TSPOAP1: variants seen among roughly 807,000 people sequenced by gnomAD.
TSPOAP1 encodes TSPO associated protein 1, also known as peripheral-type benzodiazepine receptor-associated protein 1.
Under a neutral mutation model 197.0 loss-of-function variants are expected in TSPOAP1, and 87 were observed. That is an observed-to-expected ratio of 0.44 (90% CI 0.37 to 0.53). The LOEUF is 0.53. Among genes scored for constraint, TSPOAP1 ranks in the 20% least tolerant of loss-of-function variants. The pLI, the probability that TSPOAP1 is intolerant of heterozygous loss-of-function variation, is 0.00. For missense variants in TSPOAP1, 2,174 were observed against 2,411.3 expected, an observed-to-expected ratio of 0.90 and a Z score of 2.06; for synonymous variants, 913 against 998.9, an observed-to-expected ratio of 0.91 and a Z score of 1.62.
At chr17:58,317,243 A>T (rs887028888) in intron 14 of TSPOAP1, among the ~76,000 whole-genome samples, 3 of 152,198 alleles carry the variant, frequency 2.0e-5, no homozygotes, top group Non-Finnish European at 4.4e-5. Flanking sequence ...GAAACCCCTC[A>T]GCAAAGCACC....
chr17:58,308,784 TTCC>T lies in TSPOAP1; in HGVS notation c.4485_4487del (p.Glu1496del). On this transcript the variant is annotated inframe_deletion, in exon 22 of 32. Coordinates refer to ENST00000343736, the MANE Select transcript of TSPOAP1 (RefSeq NM_004758.4). ...CCTCCGAATCATATTCAATGCTGATTTCCAAGCACTTGGGGGAAAGGCAGCTGG... is the reference window on the plus strand; with the variant it reads ...CCTCCGAATCATATTCAATGCTGATTAAGCACTTGGGGGAAAGGCAGCTGG... 1 of 1,613,004 alleles carries T rather than the reference TTCC, an allele frequency of 6.2e-7. No individual in the cohort carries two copies. The highest frequency in any genetic ancestry group is 8.5e-7 in the Non-Finnish European group (1 of 1,179,986).
rs1971104063 is a variant in TSPOAP1 at position 58,312,459 on chromosome 17, G to T, written c.2362C>A (p.Pro788Thr). ...LSPSPEGLGE[P>T]PAVPYPRRLV... ...CGGCGGGGGTAAGGCACGGCAGGAG[G>T]CTCGCCCAGGCCCTCCGGTGATGGG... Residue 788 changes from proline to threonine, a missense_variant, in exon 17 of 32, where the codon CCT becomes ACT. Transcript: ENST00000343736. 1.9e-6 allele frequency: 3 copies of T among 1,611,782 alleles called. No individual in the cohort carries two copies. Among genetic ancestry groups the T allele is most frequent in the Non-Finnish European group, 2.5e-6 (3 of 1,179,306 alleles).
At position 58,311,734 on chromosome 17, in the gene TSPOAP1, G is replaced by A. The variant is rs1332960387; in HGVS notation, c.2930-12C>T. ...GGCATCAGGTGGGCCTGGGGGCAGGGGGGCACAAGACCCAGTGATGCAGGA... is the reference window on the plus strand; with the variant it reads ...GGCATCAGGTGGGCCTGGGGGCAGGAGGGCACAAGACCCAGTGATGCAGGA... On this transcript the variant is annotated splice_polypyrimidine_tract_variant and intron_variant, in intron 17 of 31. Transcript: ENST00000343736. The A allele has an allele frequency of 3.2e-6, 5 of 1,553,864 alleles. No individual in the cohort carries two copies. The highest frequency in any genetic ancestry group is 4.4e-6 in the Non-Finnish European group (5 of 1,147,282).
chr17:58,320,037 C>T (rs1376926500), intron 12 of TSPOAP1, 72 bp downstream of exon 12: 1 of 1,589,104 alleles, frequency 6.3e-7, no homozygotes, highest in East Asian at 2.2e-5. Flanking sequence ...GGGGGACTGC[C>T]TGGGCCCTGA....
rs1423764317 is a variant in TSPOAP1, at chr17:58,322,254, G to A, written c.1422+54C>T. ...CACAGTAAATGCTTGTGGAATGAGT[G>A]AGTGGCAAAGCTGGTGTCCAGCAGC... On this transcript the variant is annotated intron_variant, in intron 10 of 31. Transcript: ENST00000343736. This position sits in a 1 kb window ranked among gnomAD's most constrained non-coding sequence, Gnocchi z 5.0. 2.6e-6 allele frequency: 4 copies of A among 1,538,216 alleles called. No individual in the cohort carries two copies. The highest frequency in any genetic ancestry group is 4.5e-5 in the East Asian group (2 of 44,480).
In TSPOAP1 at chr17:58,311,561, A is replaced by C; in HGVS notation, c.3081+10T>G. 1 of 1,552,648 alleles carries C rather than the reference A, an allele frequency of 6.4e-7. No individual in the cohort carries two copies. Among genetic ancestry groups the C allele is most frequent in the Non-Finnish European group, 8.7e-7 (1 of 1,145,692 alleles). Reference sequence around the variant, plus strand: ...CCCCCACTCCCAGGGTACAGTGGGCAGGGCTATACCTTCTGCCCATCAGCG... The same window carrying C: ...CCCCCACTCCCAGGGTACAGTGGGCCGGGCTATACCTTCTGCCCATCAGCG... On this transcript the variant is annotated intron_variant, in intron 18 of 31. Coordinates refer to ENST00000343736, the MANE Select transcript of TSPOAP1 (RefSeq NM_004758.4).
In TSPOAP1 at chr17:58,308,668, C is replaced by T. The variant is rs754684484; in HGVS notation, c.4604G>A (p.Arg1535Lys). Residue 1535 changes from arginine to lysine, a missense_variant, in exon 22 of 32, where the codon AGG becomes AAG. This residue lies in a region of TSPOAP1 where 1,933 missense variants were observed against 2,139.0 expected (regional missense o/e 0.90). Coordinates refer to ENST00000343736, the MANE Select transcript of TSPOAP1 (RefSeq NM_004758.4). ...ATTGGCCTTCGGAGGCCCCCTGGGC[C>T]TTCCTACAGTTGCTGTGCCCCAGGC... The part of the protein sequence containing the change: ...GEAWGTATVG[R>K]PRGPPKANSG... The T allele has an allele frequency of 2.5e-6, 4 of 1,612,422 alleles. No individual in the cohort carries two copies. Among genetic ancestry groups the T allele is most frequent in the Non-Finnish European group, 3.4e-6 (4 of 1,179,506 alleles).
At chr17:58,320,001 T>A in intron 12 of TSPOAP1, 108 bp downstream of exon 12, 4 of 1,428,278 alleles carry the variant, frequency 2.8e-6, no homozygotes, top group Non-Finnish European at 3.9e-6. Flanking sequence ...CTGCTCCCAG[T>A]GACACCCCCT....
At position 58,326,392 on chromosome 17, in the gene TSPOAP1, C is replaced by A; in HGVS notation, c.471G>T (p.Glu157Asp). 6.2e-7 allele frequency: 1 copy of A among 1,613,974 alleles called. No individual in the cohort carries two copies. The highest frequency in any genetic ancestry group is 8.5e-7 in the Non-Finnish European group (1 of 1,180,018). Reference protein sequence around the residue: ...LRKSSFPETEEKVRRLKRKNA... With the variant: ...LRKSSFPETEDKVRRLKRKNA... ...TCTTCCTCTTCAGCCTCCGCACCTT[C>A]TCTTCTGTCTCAGGGAAGCTGCTCT... Residue 157 changes from glutamate (E) to aspartate (D), a missense_variant, in exon 3 of 32, where the codon GAG becomes GAT. By Grantham distance (45) the Glu-to-Asp change is conservative. This residue lies in a region of TSPOAP1 where 1,933 missense variants were observed against 2,139.0 expected (regional missense o/e 0.90). Coordinates refer to ENST00000343736, the MANE Select transcript of TSPOAP1 (RefSeq NM_004758.4). The surrounding 1 kb of genome is among the most constrained non-coding windows in gnomAD (Gnocchi z 4.7).
At chr17:58,327,223 T>A (rs900170086) in intron 1 of TSPOAP1, among the ~76,000 whole-genome samples, 1 of 151,852 alleles carries the variant, frequency 6.6e-6, no homozygotes, top group African/African-American at 2.4e-5. Context: ...ACTGATTCTC[T>A]GTGCACCTCC....
Position 58,305,496 on chromosome 17 carries a change from G to A in TSPOAP1, c.5362-38C>T, listed in dbSNP as rs766971070. 3.1e-6 allele frequency: 5 copies of A among 1,612,426 alleles called. No individual in the cohort carries two copies. The Admixed American group carries it at 6.7e-5, about 22-fold the overall frequency. Reference sequence around the variant, plus strand: ...AGAGGAGGGCATCAGGCCCAGGAAGGCTCTGCCACCGCCCTTTGCTGGGCT... The same window carrying A: ...AGAGGAGGGCATCAGGCCCAGGAAGACTCTGCCACCGCCCTTTGCTGGGCT... On this transcript the variant is annotated intron_variant, in intron 28 of 31. Coordinates refer to ENST00000343736, the MANE Select transcript of TSPOAP1 (RefSeq NM_004758.4).
Position 58,309,945 on chromosome 17 carries a change from C to T in TSPOAP1, c.3891+22G>A. Reference sequence around the variant, plus strand: ...CCGGAGTTTGAGGCCTGGGGCCCAACAGCCCATCCCTACCCCGTTACCTTG... The same window carrying T: ...CCGGAGTTTGAGGCCTGGGGCCCAATAGCCCATCCCTACCCCGTTACCTTG... On this transcript the variant is annotated intron_variant, in intron 21 of 31. Transcript: ENST00000343736. This position sits in a 1 kb window ranked among gnomAD's most constrained non-coding sequence, Gnocchi z 5.0. 4 of 1,587,786 alleles carry T rather than the reference C, an allele frequency of 2.5e-6. No homozygotes were observed. Among genetic ancestry groups the T allele is most frequent in the Non-Finnish European group, 3.4e-6 (4 of 1,165,142 alleles).
At chr17:58,313,607 C>CAAAAA (rs138024895) in intron 16 of TSPOAP1, among the ~76,000 whole-genome samples, 1 of 110,610 alleles carries the variant, frequency 9.0e-6, no homozygotes, top group Non-Finnish European at 2.0e-5. Context: ...GATGCTGTAT[C>CAAAAA]AAAAAAAAAA....
rs762176733 is a variant in TSPOAP1 at position 58,326,387 on chromosome 17, A to G, written c.476T>C (p.Val159Ala). 6.2e-6 allele frequency: 10 copies of G among 1,613,642 alleles called. No homozygotes were observed. In the Admixed American group the frequency reaches 8.3e-5, roughly 13 times the overall value. ...GGCGTTCTTCCTCTTCAGCCTCCGC[A>G]CCTTCTCTTCTGTCTCAGGGAAGCT... ...KSSFPETEEK[V>A]RRLKRKNAEL... is the part of the protein sequence containing the mutation. The change falls in exon 3 of 32, where the codon GTG becomes GCG. Residue 159 changes from valine to alanine, a missense_variant. This residue lies in a region of TSPOAP1 where 1,933 missense variants were observed against 2,139.0 expected (regional missense o/e 0.90). Transcript: ENST00000343736. The surrounding 1 kb of genome is among the most constrained non-coding windows in gnomAD (Gnocchi z 4.7).
rs770081382 is a variant in TSPOAP1, at chr17:58,325,700, A to C, written c.584T>G (p.Leu195Trp). 1 of 1,609,720 alleles carries C rather than the reference A, an allele frequency of 6.2e-7. No homozygotes were observed. The highest frequency in any genetic ancestry group is 8.5e-7 in the Non-Finnish European group (1 of 1,178,394). ...ETNLRVVSAP[L>W]PRPGTSLELC... ...CTCCAAGCTGGTCCCCGGCCGGGGCAAGGGGGCACTCACCTAGCCAGAGGA... is the reference window on the plus strand; with the variant it reads ...CTCCAAGCTGGTCCCCGGCCGGGGCCAGGGGGCACTCACCTAGCCAGAGGA... Residue 195 changes from leucine (L) to tryptophan (W), a missense_variant, in exon 4 of 32, where the codon TTG becomes TGG. By Grantham distance (61) the Leu-to-Trp change is moderately conservative. Coordinates refer to ENST00000343736, the MANE Select transcript of TSPOAP1 (RefSeq NM_004758.4).
At position 58,326,523 on chromosome 17, in the gene TSPOAP1, T is replaced by A. The variant is rs2143161111; in HGVS notation, c.442-102A>T. On this transcript the variant is annotated intron_variant, in intron 2 of 31. Coordinates refer to ENST00000343736, the MANE Select transcript of TSPOAP1 (RefSeq NM_004758.4). The surrounding 1 kb of genome is among the most constrained non-coding windows in gnomAD (Gnocchi z 4.7). ...CTAGAGCCCTAGGCTCACAGTGGGGTCCTTGGCAACTCTAGGCAGGGGTTC... is the reference window on the plus strand; with the variant it reads ...CTAGAGCCCTAGGCTCACAGTGGGGACCTTGGCAACTCTAGGCAGGGGTTC... 6.4e-7 allele frequency: 1 copy of A among 1,561,506 alleles called. No homozygotes were observed. The highest frequency in any genetic ancestry group is 8.7e-7 in the Non-Finnish European group (1 of 1,151,536).
rs148246262 is a variant in TSPOAP1, at chr17:58,301,962, G to A, written c.*518C>T. 2.1e-5 allele frequency: 5 copies of A among 239,228 alleles called. No individual in the cohort carries two copies. Among genetic ancestry groups the A allele is most frequent in the African/African-American group, 7.1e-5 (3 of 42,444 alleles). 14.8% of individuals were successfully genotyped at this position (239,228 alleles called of 1,614,324 possible). ...GCAGCACTGTGGGACACTAGTAGACGAGGTGGGTGGACCAGGACGCGAGGG... is the reference window on the plus strand; with the variant it reads ...GCAGCACTGTGGGACACTAGTAGACAAGGTGGGTGGACCAGGACGCGAGGG... On this transcript the variant is annotated 3_prime_UTR_variant, in exon 32 of 32. Transcript: ENST00000343736.
Position 58,324,928 on chromosome 17 carries a change from C to G in TSPOAP1, c.825G>C (p.Leu275=). The G allele has an allele frequency of 6.5e-7, 1 of 1,538,926 alleles. No individual in the cohort carries two copies. The part of the protein sequence containing the change: ...LRESQREVLR[L]QRQIALRNQR... The stretch of plus-strand genomic sequence containing the variant: ...GGTTGCGCAGCGCGATCTGCCTCTG[C>G]AGCCGCAGCACCTCCCGCTGGGACT... The change falls in exon 5 of 32, where the codon CTG becomes CTC. Residue 275 remains leucine, a synonymous_variant. Coordinates refer to ENST00000343736, the MANE Select transcript of TSPOAP1 (RefSeq NM_004758.4). This position sits in a 1 kb window ranked among gnomAD's most constrained non-coding sequence, Gnocchi z 5.8.
intron 16 of TSPOAP1, among the ~76,000 whole-genome samples, chr17:58,313,492 T>C (rs1489436150): frequency 3.3e-5 from 5 of 152,030 alleles, no homozygotes; most frequent in East Asian, 3.9e-4. Flanking sequence ...ACGCCTGCAG[T>C]TGCAGCTACT....
Sources: allele counts gnomAD v4.1 joint callset (sites outside exome capture counted in the v4.1 genomes callset), GRCh38; gene constraint gnomAD v4.1.1; regional missense constraint gnomAD v4.1.1; non-coding constraint Gnocchi (gnomAD v3.1); transcripts MANE v1.5; gene names NCBI Gene and HGNC (gene_info 2026-07-23, HGNC 2026-07-21).